The following WDHD1 variants were observed in gnomAD, a reference collection of about 807,000 sequenced individuals.
The protein encoded by WDHD1 is WD repeat and HMG-box DNA-binding protein 1.
Under a neutral mutation model 135.4 loss-of-function variants are expected in WDHD1, and 111 were observed. That is an observed-to-expected ratio of 0.82 (90% CI 0.70 to 0.96). WDHD1 has a LOEUF of 0.96. Among genes scored for constraint, WDHD1 ranks in the 40% least tolerant of loss-of-function variants. The pLI is 0.00. For missense variants in WDHD1, 1,351 were observed against 1,336.3 expected (o/e 1.01, Z -0.17); for synonymous variants, 434 against 439.0 (o/e 0.99, Z 0.14).
chr14:55,013,051 A>G (rs1002710894), intron 3 of WDHD1, among the ~76,000 whole-genome samples: 9 of 152,152 alleles, frequency 5.9e-5, no homozygotes, highest in Admixed American at 5.9e-4. Flanking sequence ...TCCATTAATC[A>G]CTTTTAATAA....
chr14:54,946,861 T>C (rs2040934818), intron 24 of WDHD1, among the ~76,000 whole-genome samples: 1 of 152,046 alleles, frequency 6.6e-6, no homozygotes, highest in Admixed American at 6.6e-5. Context: ...CTGGCCAACG[T>C]GGCAAACTCC....
chr14:54,982,238 T>A (rs1466622148), intron 15 of WDHD1, among the ~76,000 whole-genome samples: 1 of 152,042 alleles, frequency 6.6e-6, no homozygotes, highest in Non-Finnish European at 1.5e-5. Context: ...CTCAATCTCC[T>A]GACCTTGTGA....
chr14:54,981,574 C>T lies in WDHD1; in HGVS notation c.2029G>A (p.Val677Met). The T allele has an allele frequency of 1.2e-6, 2 of 1,613,526 alleles. No individual in the cohort carries two copies. The highest frequency in any genetic ancestry group is 1.7e-6 in the Non-Finnish European group (2 of 1,179,830). ...HCKGKSDHYWVVGIHENPQQL... is the reference protein window; with the variant it reads ...HCKGKSDHYWMVGIHENPQQL... ...TGGGGATTTTCATGGATACCAACCA[C>T]CCAGTAGTGATCAGATTTTCCTTTG... Residue 677 changes from valine (V) to methionine (M), a missense_variant, in exon 16 of 26, where the codon GTG becomes ATG. By Grantham distance (21) the Val-to-Met change is conservative. Transcript: ENST00000360586.
At chr14:54,959,938 C>T (rs1291679332) in intron 21 of WDHD1, among the ~76,000 whole-genome samples, 4 of 152,218 alleles carry the variant, frequency 2.6e-5, no homozygotes, top group Non-Finnish European at 4.4e-5. Flanking sequence ...TGGTGCCTCC[C>T]TGATTCATGA....
chr14:55,021,542 C>T lies in WDHD1; in HGVS notation c.77+5169G>A, dbSNP rs542086365. Among the ~76,000 whole-genome samples, 5 of 152,122 alleles carry T rather than the reference C, an allele frequency of 3.3e-5. No homozygotes were observed. The South Asian group carries it at 1.0e-3, about 32-fold the overall frequency. On this transcript the variant is annotated intron_variant, in intron 2 of 25. Transcript: ENST00000360586. ...GGGATTACAGGCGTATGCCAACATACCCAGCCAATTTTTTATGTTTTTGGT... is the reference window on the plus strand; with the variant it reads ...GGGATTACAGGCGTATGCCAACATATCCAGCCAATTTTTTATGTTTTTGGT...
chr14:54,959,901 C>T (rs914076617), intron 21 of WDHD1, among the ~76,000 whole-genome samples: 3 of 152,170 alleles, frequency 2.0e-5, no homozygotes, highest in African/African-American at 7.2e-5. Context: ...TTTGTCTCTC[C>T]TGGCAGAGTG....
chr14:55,004,458 A>G (rs183304149), intron 7 of WDHD1, among the ~76,000 whole-genome samples: 2 of 150,864 alleles, frequency 1.3e-5, no homozygotes, highest in East Asian at 3.9e-4. Flanking sequence ...ACCAATGTTT[A>G]TTTTCTTTTT....
chr14:55,010,647 G>A (rs2042153677), intron 3 of WDHD1, among the ~76,000 whole-genome samples, 187 bp from the exon 4 acceptor site: 1 of 152,188 alleles, frequency 6.6e-6, no homozygotes, highest in South Asian at 2.1e-4. Flanking sequence ...GCTAGCTTTA[G>A]AAAAATTAAT....
At chr14:55,003,333 G>C (rs930471212) in intron 7 of WDHD1, among the ~76,000 whole-genome samples, 5 of 151,700 alleles carry the variant, frequency 3.3e-5, no homozygotes, top group African/African-American at 1.2e-4. Context: ...AACATAATGA[G>C]ACCCTGTCTC....
chr14:54,973,017 C>T (rs1488534899), intron 16 of WDHD1, among the ~76,000 whole-genome samples: 4 of 148,812 alleles, frequency 2.7e-5, no homozygotes, highest in Non-Finnish European at 5.9e-5. Context: ...TATTAAAAAG[C>T]ATTAATTAAT....
intron 11 of WDHD1, among the ~76,000 whole-genome samples, chr14:54,994,806 T>C (rs1051128996): frequency 2.0e-4 from 31 of 152,004 alleles, no homozygotes; most frequent in African/African-American, 7.5e-4. Flanking sequence ...TATCTCAGTT[T>C]GAACTAACCA....
intron 16 of WDHD1, among the ~76,000 whole-genome samples, chr14:54,980,465 G>A (rs2041599173): frequency 6.6e-6 from 1 of 151,990 alleles, no homozygotes; most frequent in Admixed American, 6.6e-5. Context: ...TTATACATAT[G>A]CCAGCAGCAG....
At chr14:54,957,856 A>C (rs1008733568) in intron 21 of WDHD1, among the ~76,000 whole-genome samples, 5 of 152,214 alleles carry the variant, frequency 3.3e-5, no homozygotes, top group Admixed American at 2.6e-4. Context: ...AAACATATTC[A>C]GTATGTACAG....
At chr14:55,021,324 T>C (rs996691491) in intron 2 of WDHD1, among the ~76,000 whole-genome samples, 1 of 152,212 alleles carries the variant, frequency 6.6e-6, no homozygotes, top group Non-Finnish European at 1.5e-5. Flanking sequence ...TCTTCTTCCT[T>C]ATCACTTGGC....
chr14:54,975,411 A>C (rs1431979995), intron 16 of WDHD1, among the ~76,000 whole-genome samples: 8 of 151,680 alleles, frequency 5.3e-5, no homozygotes, highest in Admixed American at 5.3e-4. Context: ...ACAGTGGCGC[A>C]ATCTCGGCTC....
chr14:55,001,436 T>C (rs2041979332), intron 8 of WDHD1, among the ~76,000 whole-genome samples: 1 of 152,120 alleles, frequency 6.6e-6, no homozygotes, highest in Non-Finnish European at 1.5e-5. Context: ...AATTTTTTAG[T>C]ATTTTTTGTA....
chr14:54,949,811 G>A (rs897097168), intron 24 of WDHD1, among the ~76,000 whole-genome samples: 6 of 152,306 alleles, frequency 3.9e-5, no homozygotes, highest in East Asian at 1.9e-4. Context: ...GAAACTCTAT[G>A]AGCCAGAAGA....
chr14:54,995,656 G>A lies in WDHD1; in HGVS notation c.1100C>T (p.Ser367Leu). 3 of 1,613,254 alleles carry A rather than the reference G, an allele frequency of 1.9e-6. No homozygotes were observed. Among genetic ancestry groups the A allele is most frequent in the Non-Finnish European group, 2.5e-6 (3 of 1,179,682 alleles). The change falls in exon 11 of 26, where the codon TCA becomes TTA. Residue 367 changes from serine to leucine, a missense_variant. Ser to Leu is a moderately radical substitution (Grantham distance 145). Coordinates refer to ENST00000360586, the MANE Select transcript of WDHD1 (RefSeq NM_007086.4). ...DEDDEDLMMA[S>L]GRPRQRSHIL... is the part of the protein sequence containing the mutation. ...GTGACTTCGCTGTCTAGGACGACCT[G>A]AAGCCATCATGAGGTCTTCATCATC...
At chr14:55,008,273 C>A in intron 6 of WDHD1, 43 bp downstream of exon 6, 1 of 1,589,064 alleles carries the variant, frequency 6.3e-7, no homozygotes, top group South Asian at 1.1e-5. Flanking sequence ...CAATTTATTA[C>A]AGAAATGGGC....
Sources: allele counts gnomAD v4.1 joint callset (sites outside exome capture counted in the v4.1 genomes callset), GRCh38; gene constraint gnomAD v4.1.1; transcripts MANE v1.5; gene names NCBI Gene and HGNC (gene_info 2026-07-23, HGNC 2026-07-21).